The following MYO1B variants were observed in gnomAD, a reference collection of about 807,000 sequenced individuals.
The protein encoded by MYO1B is myosin IB.
A neutral mutation model predicts 159.7 loss-of-function variants in MYO1B; 72 were observed. That is an observed-to-expected ratio of 0.45 (90% CI 0.37 to 0.55). The LOEUF (loss-of-function observed/expected upper bound fraction) is 0.55, where lower values mean the gene tolerates loss of function less well. Ranked by LOEUF, MYO1B falls within the 20% of genes least tolerant of loss-of-function variation. The pLI, the probability that MYO1B is intolerant of heterozygous loss-of-function variation, is 0.00. For missense variants in MYO1B, 1,062 were observed against 1,364.8 expected, an observed-to-expected ratio of 0.78 and a Z score of 3.50; for synonymous variants, 468 against 473.8, an observed-to-expected ratio of 0.99 and a Z score of 0.16.
chr2:191,282,168 G>A (rs932684263), intron 2 of MYO1B, among the ~76,000 whole-genome samples: 4 of 152,164 alleles, frequency 2.6e-5, no homozygotes, highest in African/African-American at 9.7e-5. Context: ...TGGGAATTTG[G>A]CGTAGATGGA....
intron 1 of MYO1B, among the ~76,000 whole-genome samples, chr2:191,262,271 T>C (rs894909801): frequency 6.6e-6 from 1 of 152,140 alleles, no homozygotes; most frequent in Admixed American, 6.5e-5. Context: ...AACTTTATTT[T>C]AGTCACCTTA....
At chr2:191,340,367 T>G (rs185252596) in intron 4 of MYO1B, among the ~76,000 whole-genome samples, 289 of 152,338 alleles carry the variant, frequency 1.9e-3, no homozygotes, top group Non-Finnish European at 3.5e-3. Context: ...ACTTTGGACC[T>G]TATTTTCCTT....
intron 2 of MYO1B, among the ~76,000 whole-genome samples, chr2:191,285,672 A>G (rs1320035604): frequency 6.6e-6 from 1 of 152,240 alleles, no homozygotes; most frequent in Non-Finnish European, 1.5e-5. Context: ...CCTATGAATA[A>G]GAGGCTTTGA....
chr2:191,341,783 T>C (rs2125953606), intron 5 of MYO1B, among the ~76,000 whole-genome samples: 1 of 152,342 alleles, frequency 6.6e-6, no homozygotes, highest in South Asian at 2.1e-4. Context: ...CTTCCTCACT[T>C]AACAGTCACT....
At chr2:191,397,851 G>C (rs1696240103) in intron 21 of MYO1B, among the ~76,000 whole-genome samples, 1 of 145,262 alleles carries the variant, frequency 6.9e-6, no homozygotes, top group Non-Finnish European at 1.5e-5. Flanking sequence ...CCCAGACGGG[G>C]CGGCTGGCCA....
intron 7 of MYO1B, 44 bp downstream of exon 7, chr2:191,350,269 A>C: frequency 7.1e-7 from 1 of 1,399,094 alleles, no homozygotes; most frequent in Non-Finnish European, 1.0e-6. Context: ...TCAGAATACT[A>C]AAACATATAT....
rs571217005 is a variant in MYO1B, at chr2:191,249,760, A to G, written c.-10+4134A>G. On this transcript the variant is annotated intron_variant, in intron 1 of 30. Transcript: ENST00000392318. ...CTGCCTTGTTTATTTATTTCAAGCT[A>G]GGACACCATTTGGGGTCTTCAAGTT... Among the ~76,000 whole-genome samples the G allele has an allele frequency of 3.3e-5, 5 of 152,342 alleles. No homozygotes were observed. In the South Asian group the frequency reaches 6.2e-4, roughly 19 times the overall value.
intron 17 of MYO1B, chr2:191,387,714 A>C (rs757708647): frequency 4.4e-5 from 21 of 481,920 alleles, no homozygotes; most frequent in Non-Finnish European, 7.8e-5. Context: ...GGGGTTTTCA[A>C]CTTTCTGTAT....
At chr2:191,331,754 C>A (rs1691493647) in intron 4 of MYO1B, among the ~76,000 whole-genome samples, 1 of 152,142 alleles carries the variant, frequency 6.6e-6, no homozygotes, top group African/African-American at 2.4e-5. Flanking sequence ...ACCTATACAT[C>A]CAAATTACAT....
intron 21 of MYO1B, among the ~76,000 whole-genome samples, chr2:191,399,134 C>T (rs1439227558): frequency 2.0e-5 from 3 of 151,912 alleles, no homozygotes; most frequent in African/African-American, 7.3e-5. Flanking sequence ...GGCGTGGCGG[C>T]ACGCACCTGC....
chr2:191,332,450 T>C (rs139558106), intron 4 of MYO1B, among the ~76,000 whole-genome samples: 168 of 152,186 alleles, frequency 1.1e-3, no homozygotes, highest in Non-Finnish European at 2.2e-3. Flanking sequence ...CAGAATATTG[T>C]ATTTATTTTT....
Position 191,408,254 on chromosome 2 carries a change from C to A in MYO1B, c.2631+65C>A, listed in dbSNP as rs913715256. 5 of 1,184,758 alleles carry A rather than the reference C, an allele frequency of 4.2e-6. No individual in the cohort carries two copies. In the African/African-American group the frequency reaches 6.1e-5, roughly 15 times the overall value. 73.4% of individuals were successfully genotyped at this position (1,184,758 alleles called of 1,614,324 possible). On this transcript the variant is annotated intron_variant, in intron 25 of 30. Transcript: ENST00000392318. ...GGAATTACCCACCTAATATCACCAA[C>A]TCCATAAAATGTGCCTTTTCCTAAA...
chr2:191,260,253 G>GATTTTTTTTTT (rs1256549425), intron 1 of MYO1B, among the ~76,000 whole-genome samples: 1 of 22,616 alleles, frequency 4.4e-5, no homozygotes, highest in African/African-American at 5.0e-5. Context: ...TCCCAGATAG[G>GATTTTTTTTTT]CTTTTTTTTT....
At chr2:191,257,755 A>C (rs1227338916) in intron 1 of MYO1B, among the ~76,000 whole-genome samples, 1 of 152,238 alleles carries the variant, frequency 6.6e-6, no homozygotes, top group African/African-American at 2.4e-5. Context: ...AGCTGTTTAC[A>C]TGAGGAATAT....
chr2:191,251,458 G>A (rs1457135938), intron 1 of MYO1B, among the ~76,000 whole-genome samples: 1 of 152,146 alleles, frequency 6.6e-6, no homozygotes, highest in Non-Finnish European at 1.5e-5. Flanking sequence ...TATCAGATAA[G>A]CACCTGATAA....
intron 15 of MYO1B, among the ~76,000 whole-genome samples, chr2:191,385,194 T>A (rs1353303897): frequency 6.6e-6 from 1 of 152,218 alleles, no homozygotes; most frequent in African/African-American, 2.4e-5. Flanking sequence ...TGACTACTCT[T>A]GGAATAAAAA....
At chr2:191,364,367 G>A in intron 11 of MYO1B, 91 bp downstream of exon 11, 1 of 1,014,546 alleles carries the variant, frequency 9.9e-7, no homozygotes, top group South Asian at 1.4e-5. Flanking sequence ...TTTACAGGCT[G>A]TTACCTGAAT....
At chr2:191,408,240 CCTA>C in intron 25 of MYO1B, 51 bp downstream of exon 25, 1 of 1,289,760 alleles carries the variant, frequency 7.8e-7, no homozygotes, top group Non-Finnish European at 1.1e-6. Context: ...GAATTACCCA[CCTA>C]ATATCACCAA....
chr2:191,413,962 C>G (rs1444172179), intron 27 of MYO1B, 86 bp from the exon 28 acceptor site: 2 of 1,356,980 alleles, frequency 1.5e-6, no homozygotes, highest in Non-Finnish European at 2.0e-6. Flanking sequence ...GTCAGCTACT[C>G]CTTAGAATCA....
Sources: allele counts gnomAD v4.1 joint callset (sites outside exome capture counted in the v4.1 genomes callset), GRCh38; gene constraint gnomAD v4.1.1; transcripts MANE v1.5; gene names NCBI Gene and HGNC (gene_info 2026-07-23, HGNC 2026-07-21).